INSR: variants seen among roughly 807,000 people sequenced by gnomAD.
INSR encodes the protein insulin receptor.
INSR carries 67 observed loss-of-function variants against 142.6 expected under a neutral mutation model. That is an observed-to-expected ratio of 0.47 (90% CI 0.39 to 0.58). The LOEUF (loss-of-function observed/expected upper bound fraction) is 0.58. INSR is among the 20% of genes least tolerant of loss of function. The pLI, the probability that INSR is intolerant of heterozygous loss-of-function variation, is 0.00. For synonymous variants in INSR, 756 were observed against 743.1 expected, an observed-to-expected ratio of 1.02 and a Z score of -0.28; for missense variants, 1,248 against 1,833.2, an observed-to-expected ratio of 0.68 and a Z score of 5.83.
At chr19:7,229,666 A>G (rs4804424) in intron 2 of INSR, among the ~76,000 whole-genome samples, 109,746 of 151,796 alleles carry the variant, frequency 0.72, 39,965 homozygotes, top group South Asian at 0.82. Context: ...CTTGGAACTT[A>G]GCTACAGTTT....
chr19:7,242,906 C>T (rs11085222), intron 2 of INSR, among the ~76,000 whole-genome samples: 98 of 151,850 alleles, frequency 6.5e-4, no homozygotes, highest in East Asian at 6.2e-3. Context: ...AAAGCAGTAC[C>T]CTGTTTTCAG....
At chr19:7,221,037 C>T (rs1286251102) in intron 2 of INSR, among the ~76,000 whole-genome samples, 1 of 152,118 alleles carries the variant, frequency 6.6e-6, no homozygotes, top group Non-Finnish European at 1.5e-5. Flanking sequence ...CCATGTGATG[C>T]CCTGCTCCCT....
At chr19:7,172,182 G>T in intron 5 of INSR, 108 bp downstream of exon 5, 3 of 1,205,078 alleles carry the variant, frequency 2.5e-6, no homozygotes, top group South Asian at 1.2e-5. Flanking sequence ...AAAATGCTGG[G>T]ATTACAGGCA....
intron 19 of INSR, among the ~76,000 whole-genome samples, chr19:7,122,413 A>G (rs887632068): frequency 6.6e-6 from 1 of 152,154 alleles, no homozygotes; most frequent in African/African-American, 2.4e-5. Flanking sequence ...ACTGCACTCC[A>G]GCCTGGGCAA....
At chr19:7,177,256 G>A (rs1974155208) in intron 3 of INSR, among the ~76,000 whole-genome samples, 1 of 152,158 alleles carries the variant, frequency 6.6e-6, no homozygotes, top group Non-Finnish European at 1.5e-5. Flanking sequence ...TGCAGTGAGG[G>A]TTTTGCTAGA....
chr19:7,252,749 A>G lies in INSR; in HGVS notation c.652+14596T>C, dbSNP rs527779537. ...CCATTCTTTCTGGGCTACACTCAAT[A>G]AGCCATGGAGTCATTAAAGATCCAA... On this transcript the variant is annotated intron_variant, in intron 2 of 21. Transcript: ENST00000302850. 2.6e-5 allele frequency among the ~76,000 whole-genome samples: 4 copies of G among 152,254 alleles called. 1 individual carries two copies. The South Asian group carries it at 8.3e-4, about 32-fold the overall frequency.
chr19:7,179,719 C>G (rs1974226278), intron 3 of INSR, among the ~76,000 whole-genome samples: 1 of 152,232 alleles, frequency 6.6e-6, no homozygotes, highest in South Asian at 2.1e-4. Context: ...GCCCTGAGAG[C>G]TGAAAATATT....
In INSR at chr19:7,192,557, G is replaced by T. The variant is rs1048183655; in HGVS notation, c.653-7920C>A. Among the ~76,000 whole-genome samples, 1 of 152,062 alleles carries T rather than the reference G, an allele frequency of 6.6e-6. No individual in the cohort carries two copies. The highest frequency in any genetic ancestry group is 6.6e-5 in the Admixed American group (1 of 15,256). On this transcript the variant is annotated intron_variant, in intron 2 of 21. Transcript: ENST00000302850. The surrounding 1 kb of genome is among the most constrained non-coding windows in gnomAD (Gnocchi z 4.2). ...GTTCCTGCCCAAATTCTGGTTTGGGGTAGGGACAGTCAGCAGCCCAGGCTA... is the reference window on the plus strand; with the variant it reads ...GTTCCTGCCCAAATTCTGGTTTGGGTTAGGGACAGTCAGCAGCCCAGGCTA...
intron 1 of INSR, among the ~76,000 whole-genome samples, chr19:7,279,535 T>C (rs1001409636): frequency 6.7e-6 from 1 of 148,394 alleles, no homozygotes; most frequent in Non-Finnish European, 1.5e-5. Context: ...ACAGGCTGAG[T>C]TGGCAGCATA....
chr19:7,132,096 T>C, intron 14 of INSR, 62 bp downstream of exon 14: 9 of 1,604,630 alleles, frequency 5.6e-6, no homozygotes, highest in Admixed American at 1.7e-5. Flanking sequence ...TCCCCTGCAA[T>C]GTCCCACCAT....
At chr19:7,180,789 G>T (rs1974254777) in intron 3 of INSR, among the ~76,000 whole-genome samples, 1 of 152,074 alleles carries the variant, frequency 6.6e-6, no homozygotes, top group African/African-American at 2.4e-5. Context: ...AAAAGCTCCT[G>T]CGGTAACGAC....
chr19:7,217,646 G>A (rs1458504801), intron 2 of INSR, among the ~76,000 whole-genome samples: 15 of 152,244 alleles, frequency 9.9e-5, no homozygotes, highest in African/African-American at 1.7e-4. Context: ...CGCAAGCTCC[G>A]CCTCCCAGGT....
At chr19:7,270,585 C>G (rs1198489425) in intron 1 of INSR, among the ~76,000 whole-genome samples, 2 of 151,780 alleles carry the variant, frequency 1.3e-5, no homozygotes, top group Non-Finnish European at 2.9e-5. Flanking sequence ...GACCCCAACT[C>G]TAAAAAATAA....
intron 2 of INSR, among the ~76,000 whole-genome samples, chr19:7,250,392 A>AGGAAGGGAGAGAGGAAGGGAGAG (rs1283724008): frequency 7.4e-4 from 29 of 39,352 alleles, no homozygotes; most frequent in Admixed American, 3.3e-3. Context: ...GAAGGGAGAG[A>AGGAAGGGAGAGAGGAAGGGAGAG]AGGAAGGGAG....
chr19:7,193,886 G>A (rs1237856464), intron 2 of INSR, among the ~76,000 whole-genome samples: 1 of 152,030 alleles, frequency 6.6e-6, no homozygotes, highest in Non-Finnish European at 1.5e-5. Flanking sequence ...ACATTTGGTA[G>A]AGATGAGGTC....
At chr19:7,257,562 G>T (rs1976934821) in intron 2 of INSR, among the ~76,000 whole-genome samples, 1 of 149,770 alleles carries the variant, frequency 6.7e-6, no homozygotes, top group Non-Finnish European at 1.5e-5. Flanking sequence ...TCATCTGAGT[G>T]AAAAATGAAT....
chr19:7,261,530 T>C (rs528571979), intron 2 of INSR, among the ~76,000 whole-genome samples: 1 of 149,028 alleles, frequency 6.7e-6, no homozygotes, highest in Admixed American at 6.8e-5. Context: ...CCCCTAACCA[T>C]TTTTTTTTCT....
chr19:7,221,988 A>G (rs1224297726), intron 2 of INSR, among the ~76,000 whole-genome samples: 1 of 151,374 alleles, frequency 6.6e-6, no homozygotes, highest in Non-Finnish European at 1.5e-5. Context: ...GTTTACAGCT[A>G]TCAAGCATGT....
rs774417734 is a variant in INSR, at chr19:7,117,147, C to T, written c.4058G>A (p.Arg1353Gln). ...GTAAGGGATGTGTTCCTCGTAGCTC[C>T]GCTTGAAACCCAGCGAGGACCCTCC... ...RDGGSSLGFKRSYEEHIPYTH... is the reference protein window; with the variant it reads ...RDGGSSLGFKQSYEEHIPYTH... Residue 1353 changes from arginine to glutamine, a missense_variant, in exon 22 of 22, where the codon CGG becomes CAG. Arg to Gln is a conservative substitution (Grantham distance 43, BLOSUM62 1). Coordinates refer to ENST00000302850, the MANE Select transcript of INSR (RefSeq NM_000208.4). 1.8e-5 allele frequency: 29 copies of T among 1,613,954 alleles called. No individual in the cohort carries two copies. The South Asian group carries it at 1.9e-4, about 10-fold the overall frequency.
Sources: allele counts gnomAD v4.1 joint callset (sites outside exome capture counted in the v4.1 genomes callset), GRCh38; gene constraint gnomAD v4.1.1; non-coding constraint Gnocchi (gnomAD v3.1); transcripts MANE v1.5; gene names NCBI Gene and HGNC (gene_info 2026-07-23, HGNC 2026-07-21).